ART1: variants seen among roughly 807,000 people sequenced by gnomAD.
The protein encoded by ART1 is ADP-ribosyltransferase 1, also known as GPI-linked NAD(P)(+)--arginine ADP-ribosyltransferase 1.
Under a neutral mutation model 27.0 loss-of-function variants are expected in ART1, and 29 were observed. The observed-to-expected ratio is 1.08, with a 90% CI of 0.80 to 1.47. The LOEUF (loss-of-function observed/expected upper bound fraction) is 1.47. ART1 is among the 40% of genes most tolerant of loss of function. The pLI, the probability that ART1 is intolerant of heterozygous loss-of-function variation, is 0.00. For synonymous variants in ART1, 201 were observed against 172.2 expected (o/e 1.17, Z -1.31); for missense variants, 480 against 423.0 (o/e 1.13, Z -1.18).
chr11:3,663,331 T>A (rs2077637423), intron 4 of ART1, among the ~76,000 whole-genome samples: 1 of 152,170 alleles, frequency 6.6e-6, no homozygotes, highest in Non-Finnish European at 1.5e-5. Context: ...CTTTGAGTTC[T>A]GATTATGTAA....
chr11:3,663,847 T>C (rs561994289), intron 4 of ART1: 57 of 446,046 alleles, frequency 1.3e-4, no homozygotes, highest in African/African-American at 1.0e-3. Context: ...GTGGGGGGAC[T>C]GTACATCAAC....
chr11:3,648,712 A>C (rs2077489469), intron 1 of ART1, among the ~76,000 whole-genome samples: 1 of 152,152 alleles, frequency 6.6e-6, no homozygotes, highest in Admixed American at 6.5e-5. Flanking sequence ...CACGTTTCAG[A>C]GGTGTCAGAT....
chr11:3,664,206 C>T lies in ART1; in HGVS notation c.*17C>T, dbSNP rs746630142. On this transcript the variant is annotated 3_prime_UTR_variant, in exon 5 of 5. Transcript: ENST00000250693. Reference sequence around the variant, plus strand: ...CTCCTTTGATGCATGAGACACGGGACAGCCTCGCCTGCTGCCTCTGCCCAT... The same window carrying T: ...CTCCTTTGATGCATGAGACACGGGATAGCCTCGCCTGCTGCCTCTGCCCAT... 2 of 1,610,430 alleles carry T rather than the reference C, an allele frequency of 1.2e-6. No individual in the cohort carries two copies. Among genetic ancestry groups the T allele is most frequent in the Non-Finnish European group, 1.7e-6 (2 of 1,177,578 alleles).
intron 3 of ART1, 80 bp from the exon 4 acceptor site, chr11:3,661,292 A>G: frequency 2.3e-6 from 3 of 1,324,340 alleles, no homozygotes; most frequent in Non-Finnish European, 3.2e-6. Context: ...CAAGTCAGGG[A>G]TGGACTACCA....
At chr11:3,655,972 G>A (rs890749390) in intron 1 of ART1, among the ~76,000 whole-genome samples, 3 of 123,990 alleles carry the variant, frequency 2.4e-5, no homozygotes, top group East Asian at 2.3e-4. Context: ...CACTCTTGTC[G>A]CCCAGGCTAG....
In ART1 at chr11:3,647,070, C is replaced by T. The variant is rs189437510; in HGVS notation, c.-53+1891C>T. On this transcript the variant is annotated intron_variant, in intron 1 of 4. Transcript: ENST00000250693. ...GCACGGTGGCTTATGCCTGTAATCC[C>T]AGCACTTTAGGAGGCCGAGGCGGGC... Among the ~76,000 whole-genome samples, 130 of 152,186 alleles carry T rather than the reference C, an allele frequency of 8.5e-4. 3 individuals carry two copies. Among genetic ancestry groups the T allele is most frequent in the Admixed American group, 7.1e-3 (109 of 15,284 alleles).
chr11:3,651,367 T>G (rs1277976613), intron 1 of ART1, among the ~76,000 whole-genome samples: 1 of 150,836 alleles, frequency 6.6e-6, no homozygotes, highest in African/African-American at 2.5e-5. Flanking sequence ...CTGTTACCTA[T>G]CTTGGCATAA....
chr11:3,658,282 G>A (rs1428343172), intron 1 of ART1, among the ~76,000 whole-genome samples: 1 of 149,636 alleles, frequency 6.7e-6, no homozygotes. Context: ...GCAGTGCGCC[G>A]AGATCACGCC....
At chr11:3,661,053 T>C (rs1281099575) in intron 3 of ART1, among the ~76,000 whole-genome samples, 2 of 152,126 alleles carry the variant, frequency 1.3e-5, no homozygotes, top group Non-Finnish European at 2.9e-5. Flanking sequence ...AAGGAGGGCA[T>C]GCAAAGAAAA....
At chr11:3,655,225 A>C (rs574915191) in intron 1 of ART1, among the ~76,000 whole-genome samples, 3 of 152,314 alleles carry the variant, frequency 2.0e-5, no homozygotes, top group African/African-American at 7.2e-5. Flanking sequence ...AAAGACTCTC[A>C]GTTTCCTTCC....
chr11:3,656,583 C>T (rs1008104384), intron 1 of ART1, among the ~76,000 whole-genome samples: 7 of 151,756 alleles, frequency 4.6e-5, no homozygotes, highest in African/African-American at 1.7e-4. Flanking sequence ...GGTTTCACCA[C>T]GTTGGCCAGG....
chr11:3,658,446 C>G, intron 1 of ART1, among the ~76,000 whole-genome samples: 1 of 152,184 alleles, frequency 6.6e-6, no homozygotes, highest in East Asian at 1.9e-4. Flanking sequence ...CCGCCTGTCC[C>G]CCAGCAAAGA....
At chr11:3,662,855 A>G (rs1279535154) in intron 4 of ART1, among the ~76,000 whole-genome samples, 1 of 152,142 alleles carries the variant, frequency 6.6e-6, no homozygotes, top group Non-Finnish European at 1.5e-5. Flanking sequence ...AAAACAAAAC[A>G]AAACAAAAAC....
chr11:3,664,022 C>A, intron 4 of ART1, 70 bp from the exon 5 acceptor site: 2 of 1,487,788 alleles, frequency 1.3e-6, no homozygotes, highest in Non-Finnish European at 1.9e-6. Context: ...CCCACTTTTG[C>A]TCCTGTGCTC....
chr11:3,649,561 G>A (rs117464335), intron 1 of ART1, among the ~76,000 whole-genome samples: 1,752 of 152,188 alleles, frequency 0.012, 7 homozygotes, highest in Non-Finnish European at 0.019. Flanking sequence ...CCCGTCTGAC[G>A]TCTCCCCTCC....
rs1274549262 is a variant in ART1, at chr11:3,653,206, T to C, written c.-52-5956T>C. Among the ~76,000 whole-genome samples, 4 of 148,758 alleles carry C rather than the reference T, an allele frequency of 2.7e-5. 1 individual carries two copies. Among genetic ancestry groups the C allele is most frequent in the Admixed American group, 6.6e-5 (1 of 15,122 alleles). ...TACCACTATTTCATTTTATTTTTCT[T>C]ATTAATATAAGAAGACAGGAATGTC... On this transcript the variant is annotated intron_variant, in intron 1 of 4. Transcript: ENST00000250693.
At chr11:3,655,358 G>T (rs1294340671) in intron 1 of ART1, 3 of 152,230 alleles carry the variant, frequency 2.0e-5, no homozygotes, top group Non-Finnish European at 2.9e-5. Flanking sequence ...CCAATTAAAA[G>T]CCTGTTACCA....
At chr11:3,657,625 TA>T (rs1231923044) in intron 1 of ART1, among the ~76,000 whole-genome samples, 1 of 152,178 alleles carries the variant, frequency 6.6e-6, no homozygotes, top group Non-Finnish European at 1.5e-5. Flanking sequence ...AAATGGAAAT[TA>T]AAAAGAGATC....
chr11:3,662,911 C>T (rs1195720717), intron 4 of ART1, among the ~76,000 whole-genome samples: 1 of 152,180 alleles, frequency 6.6e-6, no homozygotes, highest in East Asian at 1.9e-4. Flanking sequence ...CCCTGTGCCA[C>T]CCAGCTACTA....
Sources: gnomAD v4.1 joint callset for allele counts (sites outside exome capture counted in the v4.1 genomes callset) on GRCh38, gnomAD v4.1.1 for gene constraint, MANE v1.5 for transcripts, NCBI Gene and HGNC (gene_info 2026-07-23, HGNC 2026-07-21) for gene names.